The following PRELID2 variants were observed in gnomAD, a reference collection of about 807,000 sequenced individuals.
PRELID2 encodes the protein PRELI domain-containing protein 2.
A neutral mutation model predicts 28.4 loss-of-function variants in PRELID2; 25 were observed. The observed-to-expected ratio is 0.88, with a 90% confidence interval of 0.64 to 1.23. PRELID2 has a LOEUF of 1.23. Among genes scored for constraint, PRELID2 ranks in the 50% most tolerant of loss-of-function variants. PRELID2 has a pLI of 0.00. For missense variants in PRELID2, 201 were observed against 214.4 expected (o/e 0.94, Z 0.39); for synonymous variants, 76 against 71.6 (o/e 1.06, Z -0.31).
At chr5:145,697,993 A>ATAT (rs1554084309) in intron 1 of PRELID2, among the ~76,000 whole-genome samples, 10 of 149,894 alleles carry the variant, frequency 6.7e-5, no homozygotes, top group African/African-American at 2.4e-4. Flanking sequence ...CCTCAAAAAA[A>ATAT]ATATATATAT....
chr5:145,260,729 G>A, the PRELID2 span, among the ~76,000 whole-genome samples: 1 of 152,192 alleles, frequency 6.6e-6, no homozygotes, highest in African/African-American at 2.4e-5. Flanking sequence ...CACTTGGATG[G>A]ACAAAGCAGC....
the PRELID2 span, among the ~76,000 whole-genome samples, chr5:145,286,593 G>A: frequency 2.0e-5 from 3 of 151,782 alleles, no homozygotes; most frequent in African/African-American, 7.3e-5. Context: ...CTCTCAAGAA[G>A]CACTCTTTTT....
At chr5:145,764,874 G>T in intron 6 of PRELID2, 57 bp downstream of exon 6, 1 of 1,282,160 alleles carries the variant, frequency 7.8e-7, no homozygotes, top group East Asian at 2.3e-5. Context: ...ATACCAGGCT[G>T]ATAAGCATGA....
the PRELID2 span, among the ~76,000 whole-genome samples, chr5:145,424,209 C>G: frequency 6.6e-6 from 1 of 152,066 alleles, no homozygotes; most frequent in Non-Finnish European, 1.5e-5. Context: ...GCCCTGCCCC[C>G]AGAGGTGCAG....
At chr5:145,437,430 G>T in the PRELID2 span, among the ~76,000 whole-genome samples, 1 of 152,214 alleles carries the variant, frequency 6.6e-6, no homozygotes, top group South Asian at 2.1e-4. Context: ...AATTCCCAAA[G>T]AATGCTGGAA....
chr5:145,324,093 C>T, the PRELID2 span, among the ~76,000 whole-genome samples: 1 of 152,182 alleles, frequency 6.6e-6, no homozygotes, highest in Non-Finnish European at 1.5e-5. Context: ...GGTGAATATG[C>T]ATTCCCTTTT....
At position 145,745,323 on chromosome 5, in the gene PRELID2, CA is replaced by C. The variant is rs1434812042; in HGVS notation, n.70+19607del. The stretch of plus-strand genomic sequence containing the variant: ...ATCCAGGAGACCTTCCCCAACCTAG[CA>C]AGACAGGCCAACATGCAAATTCGGA... On this transcript the variant is annotated intron_variant and non_coding_transcript_variant, in intron 1 of 2. Coordinates refer to the PRELID2 transcript ENST00000510259. Among the ~76,000 whole-genome samples, 5 of 152,268 alleles carry C rather than the reference CA, an allele frequency of 3.3e-5. No homozygotes were observed. The East Asian group carries it at 5.8e-4, about 18-fold the overall frequency.
At chr5:145,413,611 TACACACAC>T in the PRELID2 span, among the ~76,000 whole-genome samples, 1,553 of 140,012 alleles carry the variant, frequency 0.011, 17 homozygotes, top group African/African-American at 0.025. Flanking sequence ...ATGAAGAAAA[TACACACAC>T]ACACACACAC....
chr5:145,693,160 T>C (rs1755185062), intron 1 of PRELID2, among the ~76,000 whole-genome samples: 1 of 151,910 alleles, frequency 6.6e-6, no homozygotes, highest in African/African-American at 2.4e-5. Flanking sequence ...CTTTTTTTTT[T>C]TTTTTGAGAC....
chr5:145,651,288 G>C (rs1754293009), intron 1 of PRELID2, among the ~76,000 whole-genome samples: 1 of 152,284 alleles, frequency 6.6e-6, no homozygotes, highest in African/African-American at 2.4e-5. Context: ...GCCCACTGCA[G>C]GTCAAGGAGG....
the PRELID2 span, among the ~76,000 whole-genome samples, chr5:145,419,077 G>C: frequency 1.3e-5 from 2 of 150,638 alleles, no homozygotes; most frequent in African/African-American, 4.9e-5. Context: ...ATTTATGGCT[G>C]CATAGTATTC....
chr5:145,340,288 C>T, the PRELID2 span, among the ~76,000 whole-genome samples: 1 of 152,170 alleles, frequency 6.6e-6, no homozygotes, highest in Non-Finnish European at 1.5e-5. Context: ...TAAGCACCGG[C>T]CTGCCCAACC....
the PRELID2 span, among the ~76,000 whole-genome samples, chr5:145,235,173 CAT>C: frequency 6.6e-6 from 1 of 151,146 alleles, no homozygotes; most frequent in Admixed American, 6.6e-5. Context: ...TATATAAAAG[CAT>C]ATATATATAT....
At chr5:145,445,595 A>C in the PRELID2 span, among the ~76,000 whole-genome samples, 1 of 152,236 alleles carries the variant, frequency 6.6e-6, no homozygotes, top group African/African-American at 2.4e-5. Flanking sequence ...ACAATATCAA[A>C]AAGGGAAGAA....
chr5:145,393,426 G>A, the PRELID2 span, among the ~76,000 whole-genome samples: 1 of 152,188 alleles, frequency 6.6e-6, no homozygotes, highest in African/African-American at 2.4e-5. Context: ...AAATTTAGCA[G>A]AGTTTAATTG....
intron 1 of PRELID2, among the ~76,000 whole-genome samples, chr5:145,660,569 G>A (rs1011618971): frequency 6.6e-6 from 1 of 152,182 alleles, no homozygotes; most frequent in African/African-American, 2.4e-5. Context: ...TGCTTTCTAA[G>A]CCACCAAAAG....
intron 4 of PRELID2, among the ~76,000 whole-genome samples, chr5:145,803,745 A>AAG (rs1753306345): frequency 6.6e-6 from 1 of 151,450 alleles, no homozygotes; most frequent in African/African-American, 2.4e-5. Flanking sequence ...TAAAAAAAAA[A>AAG]AAAAAAAGCA....
At chr5:145,229,142 G>T in the PRELID2 span, 3 of 1,101,222 alleles carry the variant, frequency 2.7e-6, no homozygotes, top group South Asian at 3.7e-5. Flanking sequence ...AGCGGGTGGG[G>T]GCCAAGTGTG....
chr5:145,265,190 T>A, the PRELID2 span, among the ~76,000 whole-genome samples: 2 of 151,608 alleles, frequency 1.3e-5, no homozygotes, highest in Non-Finnish European at 2.9e-5. Context: ...AATCAACAAC[T>A]CATCACCTTT....
Sources: allele counts gnomAD v4.1 joint callset (sites outside exome capture counted in the v4.1 genomes callset), GRCh38; gene constraint gnomAD v4.1.1; transcripts MANE v1.5; gene names NCBI Gene and HGNC (gene_info 2026-07-23, HGNC 2026-07-21).